RPSA2: variants seen among roughly 807,000 people sequenced by gnomAD.
RPSA2 encodes the protein ribosomal protein SA 2, also known as small ribosomal subunit protein uS2B.
At chr19:23,773,094 T>A in the RPSA2 span, among the ~76,000 whole-genome samples, 5 of 5,704 alleles carry the variant, frequency 8.8e-4, no homozygotes, top group Non-Finnish European at 0.058. Context: ...TGTGTGTATA[T>A]ATATATATAT....
the RPSA2 span, among the ~76,000 whole-genome samples, chr19:23,802,968 T>G: frequency 1.5e-4 from 23 of 152,326 alleles, no homozygotes; most frequent in African/African-American, 5.5e-4. Flanking sequence ...GAACACTTAT[T>G]TATCTTCTAA....
At chr19:23,832,262 C>T in the RPSA2 span, 1 of 447,800 alleles carries the variant, frequency 2.2e-6, no homozygotes, top group Admixed American at 2.8e-5. Context: ...CAGTTCTCAA[C>T]CCTTACGAAA....
At chr19:23,839,876 CTT>C in the RPSA2 span, among the ~76,000 whole-genome samples, 33 of 152,346 alleles carry the variant, frequency 2.2e-4, no homozygotes, top group African/African-American at 7.9e-4. Context: ...CACAAACAGA[CTT>C]TCAGTTTCTC....
At chr19:23,857,641 C>G in the RPSA2 span, among the ~76,000 whole-genome samples, 1 of 138,860 alleles carries the variant, frequency 7.2e-6, no homozygotes, top group Non-Finnish European at 1.5e-5. Context: ...CAGGTGCCCA[C>G]CACCACACCT....
At chr19:23,861,968 G>C in the RPSA2 span, among the ~76,000 whole-genome samples, 1 of 152,112 alleles carries the variant, frequency 6.6e-6, no homozygotes, top group African/African-American at 2.4e-5. Context: ...GGGGTAAGAA[G>C]CACAGTCCTT....
chr19:23,823,362 T>C, the RPSA2 span, among the ~76,000 whole-genome samples: 1 of 152,120 alleles, frequency 6.6e-6, no homozygotes, highest in African/African-American at 2.4e-5. Context: ...AGTTTGTTAA[T>C]CCCCTCACAA....
chr19:23,820,567 C>G, the RPSA2 span, among the ~76,000 whole-genome samples: 3 of 152,154 alleles, frequency 2.0e-5, no homozygotes, highest in Admixed American at 6.5e-5. Context: ...CCCTTGGCCT[C>G]CTGTGTCCCT....
chr19:23,789,019 C>CTTTTTT, the RPSA2 span, among the ~76,000 whole-genome samples: 662 of 112,592 alleles, frequency 5.9e-3, 64 homozygotes, highest in African/African-American at 0.019. Context: ...TTTTTTCTTT[C>CTTTTTT]TTTCTTTTTT....
the RPSA2 span, among the ~76,000 whole-genome samples, chr19:23,856,448 G>A: frequency 7.8e-3 from 1,182 of 151,436 alleles, 15 homozygotes; most frequent in African/African-American, 0.026. Context: ...TAAGCATAAT[G>A]TTTAGACTCT....
chr19:23,827,733 G>C, the RPSA2 span: 1 of 1,577,920 alleles, frequency 6.3e-7, no homozygotes, highest in African/African-American at 1.3e-5. Flanking sequence ...ACCATTTCCC[G>C]TGAACACCCA....
chr19:23,863,908 A>G, the RPSA2 span, among the ~76,000 whole-genome samples: 2 of 152,188 alleles, frequency 1.3e-5, no homozygotes, highest in African/African-American at 4.8e-5. Context: ...TGCAGAACAG[A>G]ATAACAGAGG....
chr19:23,798,897 A>G, the RPSA2 span: 5 of 149,408 alleles, frequency 3.3e-5, no homozygotes, highest in African/African-American at 9.8e-5. Flanking sequence ...ATATTCCACT[A>G]TATTAACACA....
At chr19:23,778,079 G>T in the RPSA2 span, among the ~76,000 whole-genome samples, 1 of 152,122 alleles carries the variant, frequency 6.6e-6, no homozygotes, top group Non-Finnish European at 1.5e-5. Context: ...GCCTGGTCCT[G>T]CCCTTAAAAG....
At chr19:23,792,928 A>G in the RPSA2 span, among the ~76,000 whole-genome samples, 1 of 152,184 alleles carries the variant, frequency 6.6e-6, no homozygotes, top group Admixed American at 6.5e-5. Flanking sequence ...TAATAAAATC[A>G]GATTTTAGAT....
chr19:23,788,757 C>A, the RPSA2 span, among the ~76,000 whole-genome samples: 1 of 152,208 alleles, frequency 6.6e-6, no homozygotes, highest in East Asian at 1.9e-4. Context: ...TCTGACATTA[C>A]GGGATGGGAA....
At chr19:23,762,678 A>AAAC in the RPSA2 span, among the ~76,000 whole-genome samples, 2 of 151,122 alleles carry the variant, frequency 1.3e-5, no homozygotes, top group Non-Finnish European at 3.0e-5. Context: ...CTCGGTCTCA[A>AAAC]AAAAAAAAAA....
the RPSA2 span, among the ~76,000 whole-genome samples, chr19:23,856,401 T>A: frequency 2.0e-5 from 3 of 151,946 alleles, no homozygotes; most frequent in Non-Finnish European, 2.9e-5. Flanking sequence ...TCACTCAAAC[T>A]CCTCCCTGTT....
At chr19:23,827,631 T>G in the RPSA2 span, 1 of 1,594,312 alleles carries the variant, frequency 6.3e-7, no homozygotes, top group African/African-American at 1.3e-5. Flanking sequence ...CTGCGCTATG[T>G]GGACATTGCC....
At chr19:23,782,542 GC>G in the RPSA2 span, 8 of 152,146 alleles carry the variant, frequency 5.3e-5, no homozygotes, top group African/African-American at 1.9e-4. Context: ...TTCCTCTTCT[GC>G]CGGGGCCATG....
Sources: allele counts gnomAD v4.1 joint callset (sites outside exome capture counted in the v4.1 genomes callset), GRCh38; gene constraint gnomAD v4.1.1; transcripts MANE v1.5; gene names NCBI Gene and HGNC (gene_info 2026-07-23, HGNC 2026-07-21).